DEDD2: variants seen among roughly 807,000 people sequenced by gnomAD.
DEDD2 encodes DNA-binding death effector domain-containing protein 2.
In DEDD2, 18 loss-of-function variants were observed where a neutral mutation model predicts 28.9. The observed-to-expected ratio is 0.62, with a 90% confidence interval of 0.43 to 0.92. The LOEUF is 0.92. DEDD2 is among the 40% of genes least tolerant of loss of function. DEDD2 has a pLI of 0.00. For synonymous variants in DEDD2, 211 were observed against 206.1 expected, an observed-to-expected ratio of 1.02 and a Z score of -0.20; for missense variants, 411 against 463.3, an observed-to-expected ratio of 0.89 and a Z score of 1.04.
intron 4 of DEDD2, among the ~76,000 whole-genome samples, chr19:42,202,545 A>C (rs1164116074): frequency 6.6e-6 from 1 of 152,192 alleles, no homozygotes; most frequent in Non-Finnish European, 1.5e-5. Context: ...CACAGGGACA[A>C]GGCCAGAGCA....
intron 1 of DEDD2, among the ~76,000 whole-genome samples, chr19:42,217,382 A>G (rs2036025811): frequency 1.3e-5 from 2 of 151,622 alleles, no homozygotes; most frequent in Admixed American, 1.3e-4. Context: ...GACTGCCCAG[A>G]CGAGCCCCTT....
intron 4 of DEDD2, among the ~76,000 whole-genome samples, chr19:42,207,781 C>A (rs1218727576): frequency 2.0e-5 from 3 of 151,650 alleles, no homozygotes; most frequent in Non-Finnish European, 4.4e-5. Flanking sequence ...TCACCCACCA[C>A]CCCCTAGAAT....
chr19:42,209,753 G>T lies in DEDD2; in HGVS notation c.536C>A (p.Pro179His). Residue 179 changes from proline to histidine, a missense_variant, in exon 4 of 5, where the codon CCC becomes CAC. Transcript: ENST00000596251. Reference protein sequence around the residue: ...RRRRRGAPAAPQQQSEPARPS... With the variant: ...RRRRRGAPAAHQQQSEPARPS... ...TCTGGCGGGCTCTGACTGCTGCTGG[G>T]GTGCGGCTGGGGCCCCTCTCCGCCG... 1 of 1,605,450 alleles carries T rather than the reference G, an allele frequency of 6.2e-7. No individual in the cohort carries two copies. Among genetic ancestry groups the T allele is most frequent in the South Asian group, 1.1e-5 (1 of 90,496 alleles).
intron 2 of DEDD2, among the ~76,000 whole-genome samples, chr19:42,215,556 C>A (rs978559650): frequency 9.2e-5 from 14 of 152,294 alleles, no homozygotes; most frequent in Admixed American, 7.8e-4. Flanking sequence ...CCCAGCTCTC[C>A]CCAAGGAGTA....
chr19:42,208,269 A>G (rs1366016011), intron 4 of DEDD2, among the ~76,000 whole-genome samples: 2 of 148,762 alleles, frequency 1.3e-5, no homozygotes, highest in African/African-American at 4.9e-5. Flanking sequence ...AGAGTCCCCA[A>G]CCCACCCAAC....
chr19:42,212,036 T>C (rs948867943), intron 3 of DEDD2: 12 of 128,900 alleles, frequency 9.3e-5, no homozygotes, highest in African/African-American at 3.5e-4. Flanking sequence ...AAACTCTTTC[T>C]CAATAATAAT....
chr19:42,204,928 C>A (rs1163456050), intron 4 of DEDD2, among the ~76,000 whole-genome samples: 4 of 152,202 alleles, frequency 2.6e-5, no homozygotes, highest in Non-Finnish European at 5.9e-5. Flanking sequence ...TGAATTGAGG[C>A]AATGAGGAGA....
intron 4 of DEDD2, among the ~76,000 whole-genome samples, chr19:42,206,742 T>C (rs961888479): frequency 2.0e-5 from 3 of 152,116 alleles, no homozygotes; most frequent in African/African-American, 7.2e-5. Context: ...GTTCTATCCC[T>C]CAATGGAGGG....
chr19:42,202,017 T>G (rs933529717), intron 4 of DEDD2: 1 of 398,810 alleles, frequency 2.5e-6, no homozygotes, highest in East Asian at 3.6e-5. Flanking sequence ...TCTGCCACTC[T>G]CTAAGCTGTG....
chr19:42,214,981 C>G, intron 3 of DEDD2, 152 bp downstream of exon 3: 1 of 1,205,230 alleles, frequency 8.3e-7, no homozygotes, highest in Non-Finnish European at 1.1e-6. Flanking sequence ...TGCTTCAGAA[C>G]AGAGTATCTG....
rs1022902282 is a variant in DEDD2, at chr19:42,201,887, T to C, written c.590-2058A>G. The C allele has an allele frequency of 4.3e-5, 17 of 397,156 alleles. 1 individual carries two copies. The highest frequency in any genetic ancestry group is 1.2e-3 in the Middle Eastern group (2 of 1,608). 24.6% of individuals were successfully genotyped at this position (397,156 alleles called of 1,614,324 possible). A position where few individuals can be genotyped will look rare whatever the true frequency, so the allele number is the denominator to read the frequency against. Reference sequence around the variant, plus strand: ...AGCAACTGGCCATGACCTCAATCAATGTGGGTGGGAGAGCAGGGGGCTGGG... The same window carrying C: ...AGCAACTGGCCATGACCTCAATCAACGTGGGTGGGAGAGCAGGGGGCTGGG... On this transcript the variant is annotated intron_variant, in intron 4 of 4. Coordinates refer to ENST00000596251, the MANE Select transcript of DEDD2 (RefSeq NM_133328.4).
intron 2 of DEDD2, 80 bp downstream of exon 2, chr19:42,216,600 G>C: frequency 7.2e-7 from 1 of 1,380,912 alleles, no homozygotes; most frequent in Non-Finnish European, 9.6e-7. Flanking sequence ...GGCACTGTCC[G>C]TATCAGGGCA....
intron 3 of DEDD2, among the ~76,000 whole-genome samples, chr19:42,212,390 T>C (rs1042855056): frequency 6.6e-5 from 10 of 151,868 alleles, no homozygotes; most frequent in Admixed American, 6.6e-4. Context: ...GTGATGTTTT[T>C]GTTTCTTTGT....
chr19:42,206,166 A>T (rs1312937896), intron 4 of DEDD2, among the ~76,000 whole-genome samples: 4 of 151,646 alleles, frequency 2.6e-5, no homozygotes, highest in African/African-American at 4.8e-5. Context: ...CCATAATAAA[A>T]AAAAAAAAAA....
chr19:42,206,371 A>T (rs2035535351), intron 4 of DEDD2, among the ~76,000 whole-genome samples: 1 of 152,050 alleles, frequency 6.6e-6, no homozygotes, highest in African/African-American at 2.4e-5. Context: ...CTGACATCTG[A>T]AATCTCTCTC....
Position 42,216,705 on chromosome 19 carries a change from G to A in DEDD2, c.303C>T (p.His101=), listed in dbSNP as rs2035984896. 1.3e-6 allele frequency: 2 copies of A among 1,587,696 alleles called. No homozygotes were observed. Among genetic ancestry groups the A allele is most frequent in the Non-Finnish European group, 1.7e-6 (2 of 1,170,850 alleles). ...CTGGCCGGCGCCGCTTGCGCGCCAGGTGCGGCAGCAGGTCGTGGCGGGCCA... is the reference window on the plus strand; with the variant it reads ...CTGGCCGGCGCCGCTTGCGCGCCAGATGCGGCAGCAGGTCGTGGCGGGCCA... ...RVLARHDLLP[H]LARKRRRPVS... is the part of the protein sequence containing the mutation. The change falls in exon 2 of 5, where the codon CAC becomes CAT. Residue 101 remains histidine, a synonymous_variant. Coordinates refer to ENST00000596251, the MANE Select transcript of DEDD2 (RefSeq NM_133328.4).
At chr19:42,219,255 G>T (rs905899647), upstream of DEDD2, among the ~76,000 whole-genome samples, 1 of 151,472 alleles carries the variant, frequency 6.6e-6, no homozygotes, top group East Asian at 1.9e-4. Context: ...CGTGAGCCGA[G>T]ATTGCGCCAT....
intron 2 of DEDD2, 102 bp downstream of exon 2, chr19:42,216,578 G>A (rs2035976879): frequency 1.7e-6 from 2 of 1,182,648 alleles, no homozygotes; most frequent in Non-Finnish European, 2.3e-6. Context: ...TGGGACATAA[G>A]CTGCCTGATA....
chr19:42,205,851 G>A (rs543321029), intron 4 of DEDD2, among the ~76,000 whole-genome samples: 9 of 152,194 alleles, frequency 5.9e-5, no homozygotes, highest in African/African-American at 2.2e-4. Flanking sequence ...GGGAGGCCAA[G>A]GCAGGTGAAT....
Sources: allele counts gnomAD v4.1 joint callset (sites outside exome capture counted in the v4.1 genomes callset), GRCh38; gene constraint gnomAD v4.1.1; transcripts MANE v1.5; gene names NCBI Gene and HGNC (gene_info 2026-07-23, HGNC 2026-07-21).